The following SLC35F1 variants were observed in gnomAD, a reference collection of about 807,000 sequenced individuals.
The protein encoded by SLC35F1 is chromosome 6 open reading frame 169.
In SLC35F1, 14 loss-of-function variants were observed where a neutral mutation model predicts 48.7. The ratio of observed to expected loss-of-function variants is 0.29; its 90% confidence interval spans 0.19 to 0.45. The LOEUF is 0.45. Among genes scored for constraint, SLC35F1 ranks in the 20% least tolerant of loss-of-function variants. The pLI, the probability that SLC35F1 is intolerant of heterozygous loss-of-function variation, is 1.00. For synonymous variants in SLC35F1, 190 were observed against 202.2 expected (o/e 0.94, Z 0.51); for missense variants, 404 against 500.0 (o/e 0.81, Z 1.83).
chr6:118,282,398 T>C (rs1775995247), intron 6 of SLC35F1, among the ~76,000 whole-genome samples: 1 of 150,256 alleles, frequency 6.7e-6, no homozygotes, highest in Non-Finnish European at 1.5e-5. Context: ...ATTCCACTCC[T>C]GTCCCCCTAC....
intron 1 of SLC35F1, among the ~76,000 whole-genome samples, chr6:117,938,999 A>G (rs1776195175): frequency 7.2e-6 from 1 of 139,792 alleles, no homozygotes; most frequent in African/African-American, 2.5e-5. Context: ...ATGTGCTTGA[A>G]TTCTTGTTCT....
intron 2 of SLC35F1, among the ~76,000 whole-genome samples, chr6:118,170,940 G>A (rs1396804542): frequency 1.3e-5 from 2 of 152,114 alleles, no homozygotes; most frequent in African/African-American, 4.8e-5. Flanking sequence ...TTCATGGCAT[G>A]TTTCTGTGCA....
At chr6:118,204,345 G>A (rs1268109008) in intron 2 of SLC35F1, among the ~76,000 whole-genome samples, 5 of 152,176 alleles carry the variant, frequency 3.3e-5, no homozygotes, top group African/African-American at 1.2e-4. Flanking sequence ...GGCCTCCTGA[G>A]CCAAGGCAAG....
intron 1 of SLC35F1, among the ~76,000 whole-genome samples, chr6:118,111,560 T>A (rs1379993765): frequency 6.6e-6 from 1 of 152,114 alleles, no homozygotes; most frequent in Non-Finnish European, 1.5e-5. Flanking sequence ...AGAAAATTTG[T>A]TGACAATAGA....
In SLC35F1 at chr6:118,069,865, G is replaced by A. The variant is rs531680770; in HGVS notation, c.174-84580G>A. On this transcript the variant is annotated intron_variant, in intron 1 of 7. Transcript: ENST00000360388. The stretch of plus-strand genomic sequence containing the variant: ...AAGAATGTTCATTTAGGCCGGGCGC[G>A]GTGGCTCACGCCTGTAATCCCAGCA... 3.9e-5 allele frequency among the ~76,000 whole-genome samples: 6 copies of A among 152,212 alleles called. No homozygotes were observed. In the East Asian group the frequency reaches 1.2e-3, roughly 29 times the overall value.
chr6:117,926,533 C>T (rs945938331), intron 1 of SLC35F1, among the ~76,000 whole-genome samples: 7 of 151,908 alleles, frequency 4.6e-5, no homozygotes, highest in African/African-American at 1.7e-4. Context: ...TGTACATGTG[C>T]ATGTGCACAT....
intron 3 of SLC35F1, among the ~76,000 whole-genome samples, chr6:118,250,551 T>A (rs1399169931): frequency 6.6e-6 from 1 of 152,174 alleles, no homozygotes; most frequent in Non-Finnish European, 1.5e-5. Context: ...TGGGAGCCCC[T>A]CAGGGGGCAC....
chr6:118,170,120 T>G (rs1344970948), intron 2 of SLC35F1, among the ~76,000 whole-genome samples: 1 of 152,190 alleles, frequency 6.6e-6, no homozygotes, highest in East Asian at 1.9e-4. Flanking sequence ...ACAAATAATT[T>G]TGATTGATAT....
chr6:118,122,555 A>G (rs1370147458), intron 1 of SLC35F1, among the ~76,000 whole-genome samples: 1 of 152,242 alleles, frequency 6.6e-6, no homozygotes, highest in Non-Finnish European at 1.5e-5. Flanking sequence ...GTGCATGATA[A>G]AGAAAGTTTA....
intron 2 of SLC35F1, among the ~76,000 whole-genome samples, chr6:118,179,228 T>C (rs1182635206): frequency 2.0e-5 from 3 of 152,192 alleles, no homozygotes; most frequent in Admixed American, 6.6e-5. Context: ...TTTTGGAAGC[T>C]GAGGAGTCGC....
In SLC35F1 at chr6:117,971,436, C is replaced by A. The variant is rs571121540; in HGVS notation, c.173+63537C>A. 3.3e-5 allele frequency among the ~76,000 whole-genome samples: 5 copies of A among 152,340 alleles called. No homozygotes were observed. In the South Asian group the frequency reaches 8.3e-4, roughly 25 times the overall value. ...TGCAAGCTGTCACTGGATCACAGTT[C>A]TGGCATCTGGAGGATGGTGGCTCTC... On this transcript the variant is annotated intron_variant, in intron 1 of 7. Coordinates refer to ENST00000360388, the MANE Select transcript of SLC35F1 (RefSeq NM_001029858.4).
intron 1 of SLC35F1, among the ~76,000 whole-genome samples, chr6:117,944,369 T>C (rs917038488): frequency 2.0e-5 from 3 of 151,940 alleles, no homozygotes; most frequent in African/African-American, 4.8e-5. Flanking sequence ...GAGGTCAAAA[T>C]ATCCCACTTT....
chr6:118,147,958 A>G (rs1354834989), intron 1 of SLC35F1, among the ~76,000 whole-genome samples: 2 of 152,232 alleles, frequency 1.3e-5, no homozygotes, highest in Admixed American at 6.5e-5. Context: ...CTTCTTACAT[A>G]TAAGTCTAAT....
chr6:118,045,169 T>G (rs968494722), intron 1 of SLC35F1, among the ~76,000 whole-genome samples: 2 of 152,194 alleles, frequency 1.3e-5, no homozygotes, highest in Non-Finnish European at 2.9e-5. Context: ...ATTGACTTTG[T>G]GATGTCAGAA....
intron 6 of SLC35F1, among the ~76,000 whole-genome samples, chr6:118,278,469 C>G (rs1289902718): frequency 6.6e-6 from 1 of 152,184 alleles, no homozygotes; most frequent in African/African-American, 2.4e-5. Flanking sequence ...CTACCTGTCC[C>G]CATCCCCTAA....
rs1181882471 is a variant in SLC35F1, at chr6:118,285,297, T to C, written c.961T>C (p.Leu321=). The C allele has an allele frequency of 5.0e-6, 8 of 1,613,894 alleles. No homozygotes were observed. The highest frequency in any genetic ancestry group is 6.8e-6 in the Non-Finnish European group (8 of 1,179,906). Residue 321 remains leucine, a synonymous_variant, in exon 7 of 8, where the codon TTG becomes CTG. Transcript: ENST00000360388. ...CAACCTCTCCTTGCTCACAGCAGACTTGTACAGCCTGTTCTGTGGATTGTT... is the reference window on the plus strand; with the variant it reads ...CAACCTCTCCTTGCTCACAGCAGACCTGTACAGCCTGTTCTGTGGATTGTT... ...SVNLSLLTAD[L]YSLFCGLFLF... is the part of the protein sequence containing the mutation.
chr6:118,281,204 C>CTCTCTATATA lies in SLC35F1; in HGVS notation c.847+3659_847+3660insCTCTATATAT, dbSNP rs367855949. Among the ~76,000 whole-genome samples the CTCTCTATATA allele has an allele frequency of 3.0e-3, 389 of 130,460 alleles. 2 individuals carry two copies. Among genetic ancestry groups the CTCTCTATATA allele is most frequent in the South Asian group, 7.6e-3 (28 of 3,702 alleles). The allele number at this position is 130,460 out of a possible 152,430, so 85.6% of individuals were successfully genotyped here. A position where few individuals can be genotyped will look rare whatever the true frequency, so the allele number is the denominator to read the frequency against. On this transcript the variant is annotated intron_variant, in intron 6 of 7. Transcript: ENST00000360388. Reference sequence around the variant, plus strand: ...TCTCTCTCTCTCTCTCTCTCTCTCTCTATATATATATATATATAAAATATT... The same window carrying CTCTCTATATA: ...TCTCTCTCTCTCTCTCTCTCTCTCTCTCTCTATATATATATATATATATATATAAAATATT...
chr6:118,057,036 T>C (rs1772472959), intron 1 of SLC35F1, among the ~76,000 whole-genome samples: 1 of 152,094 alleles, frequency 6.6e-6, no homozygotes, highest in South Asian at 2.1e-4. Context: ...TGGTCCTAAT[T>C]TAGTTCTCCA....
chr6:118,032,759 A>T (rs549990335), intron 1 of SLC35F1, among the ~76,000 whole-genome samples: 6 of 152,072 alleles, frequency 3.9e-5, no homozygotes, highest in Admixed American at 3.9e-4. Context: ...CTCTCCTGTA[A>T]CCTAGAAAAG....
Sources: gnomAD v4.1 joint callset for allele counts (sites outside exome capture counted in the v4.1 genomes callset) on GRCh38, gnomAD v4.1.1 for gene constraint, MANE v1.5 for transcripts, NCBI Gene and HGNC (gene_info 2026-07-23, HGNC 2026-07-21) for gene names.